The following FGD6 variants were observed in gnomAD, a reference collection of about 807,000 sequenced individuals.
FGD6 encodes the protein FYVE, RhoGEF and PH domain-containing protein 6.
In FGD6, 90 loss-of-function variants were observed where a neutral mutation model predicts 149.4. The observed-to-expected ratio is 0.60, with a 90% CI of 0.51 to 0.72. The LOEUF (loss-of-function observed/expected upper bound fraction) is 0.72, where lower values mean the gene tolerates loss of function less well. FGD6 is among the 30% of genes least tolerant of loss of function. The pLI is 0.00. For synonymous variants in FGD6, 527 were observed against 584.0 expected (o/e 0.90, Z 1.41); for missense variants, 1,437 against 1,684.8 (o/e 0.85, Z 2.57).
rs2056719756 is a variant in FGD6, at chr12:95,210,467, C to G, written c.817G>C (p.Glu273Gln). The change falls in exon 2 of 21, where the codon GAG (glutamate) becomes CAG (glutamine). Residue 273 changes from glutamate to glutamine, a missense_variant. Around this residue, in one of 2 missense-constraint regions of FGD6, gnomAD observed 1,055 missense variants for 1,146.0 expected, o/e 0.92. Coordinates refer to ENST00000343958, the MANE Select transcript of FGD6 (RefSeq NM_018351.4). Reference sequence around the variant, plus strand: ...CTCCTTTTCCCATTTTCCAGAGCCTCTAGTTCAGATGACTGAAAGCAATTA... The same window carrying G: ...CTCCTTTTCCCATTTTCCAGAGCCTGTAGTTCAGATGACTGAAAGCAATTA... ...SNNCFQSSEL[E>Q]ALENGKRSTL... 3.1e-6 allele frequency: 5 copies of G among 1,614,000 alleles called. No individual in the cohort carries two copies. Among genetic ancestry groups the G allele is most frequent in the Non-Finnish European group, 4.2e-6 (5 of 1,180,038 alleles).
chr12:95,158,663 G>T (rs1202247034), intron 3 of FGD6, among the ~76,000 whole-genome samples: 1 of 151,894 alleles, frequency 6.6e-6, no homozygotes, highest in South Asian at 2.1e-4. Context: ...CTATCACAAT[G>T]GGGTTCTCCA....
At chr12:95,170,780 A>G (rs1214269283) in intron 3 of FGD6, among the ~76,000 whole-genome samples, 1 of 152,234 alleles carries the variant, frequency 6.6e-6, no homozygotes, top group Admixed American at 6.5e-5. Context: ...TGCAACATGG[A>G]AAACGAGCTT....
intron 8 of FGD6, among the ~76,000 whole-genome samples, chr12:95,118,043 GAAC>G (rs1879072794): frequency 1.3e-5 from 2 of 151,446 alleles, no homozygotes; most frequent in Non-Finnish European, 2.9e-5. Context: ...TCTGTCTCAA[GAAC>G]AACAACAATA....
intron 3 of FGD6, 112 bp downstream of exon 3, chr12:95,172,488 G>A: frequency 1.0e-6 from 1 of 955,094 alleles, no homozygotes; most frequent in Non-Finnish European, 1.5e-6. Flanking sequence ...AATTTTGAAA[G>A]TGTTTTATAA....
At chr12:95,118,055 T>C (rs1879073119) in intron 8 of FGD6, among the ~76,000 whole-genome samples, 1 of 150,070 alleles carries the variant, frequency 6.7e-6, no homozygotes. Flanking sequence ...ACAACAACAA[T>C]AACAAATTCC....
chr12:95,217,434 G>A lies in FGD6; in HGVS notation c.-194C>T. On this transcript the variant is annotated 5_prime_UTR_variant, in exon 1 of 21. Coordinates refer to ENST00000343958, the MANE Select transcript of FGD6 (RefSeq NM_018351.4). The stretch of plus-strand genomic sequence containing the variant: ...TAGCGACCCTGCGGCGCTCCCGGGC[G>A]CGAGCCGCCGGGGTCGGGCGGGCGA... 2 of 880,142 alleles carry A rather than the reference G, an allele frequency of 2.3e-6. No homozygotes were observed. The highest frequency in any genetic ancestry group is 3.4e-4 in the Middle Eastern group (1 of 2,928). 54.5% of individuals were successfully genotyped at this position (880,142 alleles called of 1,614,324 possible). A position where few individuals can be genotyped will look rare whatever the true frequency, so the allele number is the denominator to read the frequency against.
chr12:95,138,572 T>G (rs555069215), intron 6 of FGD6, among the ~76,000 whole-genome samples: 1 of 151,120 alleles, frequency 6.6e-6, no homozygotes, highest in Non-Finnish European at 1.5e-5. Flanking sequence ...AAAAAAAAAC[T>G]TCTTACCTGG....
intron 13 of FGD6, among the ~76,000 whole-genome samples, chr12:95,105,361 A>T (rs1398252997): frequency 6.6e-6 from 1 of 151,952 alleles, no homozygotes; most frequent in Non-Finnish European, 1.5e-5. Context: ...TGTGACCTAT[A>T]CTTTAAGGTC....
intron 1 of FGD6, among the ~76,000 whole-genome samples, chr12:95,211,925 G>T (rs1195901011): frequency 6.6e-6 from 1 of 152,158 alleles, no homozygotes; most frequent in East Asian, 1.9e-4. Context: ...GCCAAGTGCT[G>T]AAAGTTGAAT....
intron 16 of FGD6, 39 bp downstream of exon 16, chr12:95,092,660 G>C (rs1439218158): frequency 1.9e-5 from 30 of 1,607,158 alleles, no homozygotes; most frequent in Non-Finnish European, 2.4e-5. Context: ...CCTGGAGACA[G>C]TAAAGACCAC....
intron 1 of FGD6, among the ~76,000 whole-genome samples, chr12:95,216,953 C>T (rs1372725064): frequency 6.6e-6 from 1 of 152,242 alleles, no homozygotes; most frequent in Non-Finnish European, 1.5e-5. Context: ...GAACGCCCTT[C>T]ACACATCGCA....
intron 2 of FGD6, among the ~76,000 whole-genome samples, chr12:95,193,535 T>G (rs1017178404): frequency 1.1e-4 from 16 of 151,136 alleles, no homozygotes; most frequent in Admixed American, 2.0e-4. Context: ...TTCTTGTTTT[T>G]TTTTTTTTTT....
In FGD6 at chr12:95,170,775, C is replaced by T. The variant is rs538819800; in HGVS notation, c.2586+1825G>A. Among the ~76,000 whole-genome samples the T allele has an allele frequency of 7.7e-4, 118 of 152,320 alleles. 2 individuals carry two copies. Among genetic ancestry groups the T allele is most frequent in the African/African-American group, 2.7e-3 (113 of 41,568 alleles). The stretch of plus-strand genomic sequence containing the variant: ...AGAATCTATGTCCATGAAGCTGCAA[C>T]ATGGAAAACGAGCTTTCAAATTAAA... On this transcript the variant is annotated intron_variant, in intron 3 of 20. Coordinates refer to ENST00000343958, the MANE Select transcript of FGD6 (RefSeq NM_018351.4).
intron 18 of FGD6, among the ~76,000 whole-genome samples, chr12:95,086,216 G>A (rs973911918): frequency 2.2e-4 from 34 of 152,278 alleles, no homozygotes; most frequent in African/African-American, 8.2e-4. Flanking sequence ...AATAGTTCCA[G>A]AAGACTAAAA....
chr12:95,209,431 C>G lies in FGD6; in HGVS notation c.1853G>C (p.Cys618Ser). The G allele has an allele frequency of 6.2e-7, 1 of 1,613,070 alleles. No homozygotes were observed. Residue 618 changes from cysteine (C) to serine (S), a missense_variant, in exon 2 of 21, where the codon TGC becomes TCC. Cys to Ser is a moderately radical substitution (Grantham distance 112). Around this residue, in one of 2 missense-constraint regions of FGD6, gnomAD observed 1,055 missense variants for 1,146.0 expected, o/e 0.92. Coordinates refer to ENST00000343958, the MANE Select transcript of FGD6 (RefSeq NM_018351.4). ...AGAGTTTTTCTTTGTAGAGTCTTTG[C>G]AAGGCTTAGTGCACTTTTCCACATC... ...AMDVEKCTKPCKDSTKKNSFK... is the reference protein window; with the variant it reads ...AMDVEKCTKPSKDSTKKNSFK...
At chr12:95,158,045 AC>A (rs1345480109) in intron 3 of FGD6, among the ~76,000 whole-genome samples, 2 of 151,114 alleles carry the variant, frequency 1.3e-5, no homozygotes, top group Admixed American at 6.6e-5. Context: ...ATTGGGTTTG[AC>A]CATGTTGGCC....
intron 3 of FGD6, among the ~76,000 whole-genome samples, chr12:95,168,298 T>A (rs535585712): frequency 6.6e-6 from 1 of 152,254 alleles, no homozygotes; most frequent in East Asian, 1.9e-4. Context: ...CCAGAAACAA[T>A]ATATTTATTG....
chr12:95,102,098 G>A (rs574019272), intron 14 of FGD6, among the ~76,000 whole-genome samples: 1 of 152,092 alleles, frequency 6.6e-6, no homozygotes, highest in Admixed American at 6.5e-5. Flanking sequence ...CCTGAGGTCA[G>A]GAGTTCAAGA....
At chr12:95,184,233 C>G (rs1036633559) in intron 2 of FGD6, among the ~76,000 whole-genome samples, 22 of 152,170 alleles carry the variant, frequency 1.4e-4, no homozygotes, top group Non-Finnish European at 3.1e-4. Flanking sequence ...TTAAGTGTAT[C>G]AGTTTCCAAT....
Sources: gnomAD v4.1 joint callset for allele counts (sites outside exome capture counted in the v4.1 genomes callset) on GRCh38, gnomAD v4.1.1 for gene constraint, gnomAD v4.1.1 regional missense constraint, MANE v1.5 for transcripts, NCBI Gene and HGNC (gene_info 2026-07-23, HGNC 2026-07-21) for gene names.